Variants in IQANK1 observed in about 807,000 individuals in gnomAD.
The protein encoded by IQANK1 is IQ motif and ankyrin repeat domain-containing protein 1.
A neutral mutation model predicts 22.6 loss-of-function variants in IQANK1; 30 were observed. That is an observed-to-expected ratio of 1.33 (90% CI 0.99 to 1.80). The LOEUF (loss-of-function observed/expected upper bound fraction) is 1.80. Among genes scored for constraint, IQANK1 ranks in the 40% most tolerant of loss-of-function variants. IQANK1 has a pLI of 0.00. For synonymous variants in IQANK1, 122 were observed against 99.6 expected (o/e 1.23, Z -1.34); for missense variants, 275 against 235.2 (o/e 1.17, Z -1.11).
intron 7 of IQANK1, among the ~76,000 whole-genome samples, chr8:143,776,743 G>A (rs371131190): frequency 4.6e-5 from 7 of 152,120 alleles, no homozygotes; most frequent in Non-Finnish European, 7.4e-5. Flanking sequence ...TGGATCCCTC[G>A]TGGTAGTTAG....
chr8:143,766,175 T>C (rs1448491125), intron 3 of IQANK1, among the ~76,000 whole-genome samples: 2 of 152,206 alleles, frequency 1.3e-5, no homozygotes, highest in African/African-American at 4.8e-5. Context: ...TTTCCATATA[T>C]TTATTGGCCA....
Position 143,771,754 on chromosome 8 carries a change from G to T in IQANK1, c.307-47G>T. 1 of 397,578 alleles carries T rather than the reference G, an allele frequency of 2.5e-6. No homozygotes were observed. Among genetic ancestry groups the T allele is most frequent in the Admixed American group, 4.4e-5 (1 of 22,666 alleles). 24.6% of individuals were successfully genotyped at this position (397,578 alleles called of 1,614,324 possible). A position where few individuals can be genotyped will look rare whatever the true frequency, so the allele number is the denominator to read the frequency against. Reference sequence around the variant, plus strand: ...GGCGTGGACCGTGGCCTCGGGGCTCGGGGCGGTGGCGCGGAGTGGGCGGTG... The same window carrying T: ...GGCGTGGACCGTGGCCTCGGGGCTCTGGGCGGTGGCGCGGAGTGGGCGGTG... On this transcript the variant is annotated intron_variant, in intron 4 of 13. Coordinates refer to ENST00000527139, the MANE Select transcript of IQANK1 (RefSeq NM_001381874.1). This position sits in a 1 kb window ranked among gnomAD's most constrained non-coding sequence, Gnocchi z 6.0.
chr8:143,741,983 A>G, intron 3 of IQANK1: 2 of 244,250 alleles, frequency 8.2e-6, no homozygotes, highest in South Asian at 5.6e-5. Flanking sequence ...TCCTGCCCCC[A>G]TGCCACTCTG....
At chr8:143,783,253 T>C (rs1554631089) in intron 7 of IQANK1, among the ~76,000 whole-genome samples, 1 of 152,198 alleles carries the variant, frequency 6.6e-6, no homozygotes, top group African/African-American at 2.4e-5. Context: ...CCAGACATTG[T>C]GATTGCCAGT....
intron 3 of IQANK1, among the ~76,000 whole-genome samples, chr8:143,747,823 C>A (rs1819059137): frequency 6.6e-6 from 1 of 151,922 alleles, no homozygotes; most frequent in Non-Finnish European, 1.5e-5. Flanking sequence ...TTGAAAATAT[C>A]CCATGTACAC....
chr8:143,765,539 G>A (rs1819468918), intron 3 of IQANK1, among the ~76,000 whole-genome samples: 1 of 152,132 alleles, frequency 6.6e-6, no homozygotes, highest in Admixed American at 6.5e-5. Context: ...TTCCTCTTCT[G>A]GGAAATGCCT....
chr8:143,741,988 A>C (rs1230578526), intron 3 of IQANK1: 1 of 244,978 alleles, frequency 4.1e-6, no homozygotes, highest in African/African-American at 2.2e-5. Flanking sequence ...CCCCCATGCC[A>C]CTCTGCCCCG....
At chr8:143,748,064 G>A (rs1178881044) in intron 3 of IQANK1, among the ~76,000 whole-genome samples, 1 of 150,814 alleles carries the variant, frequency 6.6e-6, no homozygotes, top group African/African-American at 2.4e-5. Flanking sequence ...GCACAATCTC[G>A]GCTCACTGCA....
rs1045384722 is a variant in IQANK1, at chr8:143,736,088, T to C, written c.85+150T>C. On this transcript the variant is annotated intron_variant, in intron 2 of 13. Transcript: ENST00000527139. ...ACCTCTGAGTTGGGATTAGGTGTGA[T>C]TGACTGAGGGTTCAGAGCCCATTCA... 1.5e-5 allele frequency: 9 copies of C among 613,132 alleles called. No homozygotes were observed. The South Asian group carries it at 1.5e-4, about 10-fold the overall frequency. The allele number at this position is 613,132 out of a possible 1,614,324, so 38.0% of individuals were successfully genotyped here.
rs1205184834 is a variant in IQANK1 at position 143,739,947 on chromosome 8, A to T, written c.174A>T (p.Thr58=). 1.4e-6 allele frequency: 1 copy of T among 695,368 alleles called. No homozygotes were observed. The highest frequency in any genetic ancestry group is 1.8e-5 in the African/African-American group (1 of 57,014). 43.1% of individuals were successfully genotyped at this position (695,368 alleles called of 1,614,324 possible). ...PASAESPQAP[T]GPAEDRAARA... ...CGGCTGAGAGCCCACAGGCCCCCAC[A>T]GGTGAGAGCCCGCACGTCCCGCGCC... Residue 58 remains threonine (T), a splice_region_variant and synonymous_variant, in exon 3 of 14, where the codon ACA becomes ACT. Coordinates refer to ENST00000527139, the MANE Select transcript of IQANK1 (RefSeq NM_001381874.1).
chr8:143,755,985 T>C (rs1249032141), intron 3 of IQANK1, among the ~76,000 whole-genome samples: 1 of 152,230 alleles, frequency 6.6e-6, no homozygotes, highest in Non-Finnish European at 1.5e-5. Context: ...TGAAGGTGGC[T>C]GGAAAGCATG....
chr8:143,782,691 G>A (rs980572627), intron 7 of IQANK1, among the ~76,000 whole-genome samples: 1 of 152,144 alleles, frequency 6.6e-6, no homozygotes, highest in African/African-American at 2.4e-5. Flanking sequence ...TGGACAGGCT[G>A]GTCTCAAACT....
Position 143,790,169 on chromosome 8 carries a change from C to T in IQANK1, c.1322C>T (p.Ala441Val), listed in dbSNP as rs375424398. Residue 441 changes from alanine (A) to valine (V), a missense_variant, in exon 13 of 14, where the codon GCG becomes GTG. By Grantham distance (64) the Ala-to-Val change is moderately conservative. Coordinates refer to ENST00000527139, the MANE Select transcript of IQANK1 (RefSeq NM_001381874.1). Reference sequence around the variant, plus strand: ...CTTGTTATTGACCCTTTGGGCCAGGCGGCCACCTTCCTGCGCTACCAGGAT... The same window carrying T: ...CTTGTTATTGACCCTTTGGGCCAGGTGGCCACCTTCCTGCGCTACCAGGAT... The part of the protein sequence containing the change: ...WPLVIDPLGQ[A>V]ATFLRYQDTN... The T allele has an allele frequency of 2.4e-5, 29 of 1,231,938 alleles. No homozygotes were observed. Among genetic ancestry groups the T allele is most frequent in the African/African-American group, 6.2e-5 (4 of 64,426 alleles). 76.3% of individuals were successfully genotyped at this position (1,231,938 alleles called of 1,614,324 possible).
intron 3 of IQANK1, among the ~76,000 whole-genome samples, chr8:143,751,535 C>G (rs1029362432): frequency 2.0e-5 from 3 of 149,686 alleles, no homozygotes; most frequent in Non-Finnish European, 4.4e-5. Flanking sequence ...TCACTTGAAC[C>G]TGGGAGGCAG....
chr8:143,786,911 G>A (rs782668979), intron 7 of IQANK1, among the ~76,000 whole-genome samples: 5 of 152,220 alleles, frequency 3.3e-5, no homozygotes, highest in Non-Finnish European at 7.3e-5. Flanking sequence ...GCCAGGGAAT[G>A]AGGCACAGAG....
intron 3 of IQANK1, among the ~76,000 whole-genome samples, chr8:143,754,964 G>A (rs558871542): frequency 6.6e-6 from 1 of 152,240 alleles, no homozygotes; most frequent in East Asian, 1.9e-4. Flanking sequence ...AGGAATGATG[G>A]ACATCACATC....
chr8:143,758,679 G>C lies in IQANK1; in HGVS notation c.176-12809G>C, dbSNP rs1461098313. The C allele has an allele frequency of 1.3e-5, 2 of 152,206 alleles. No individual in the cohort carries two copies. Among genetic ancestry groups the C allele is most frequent in the African/African-American group, 4.8e-5 (2 of 41,418 alleles). 9.4% of individuals were successfully genotyped at this position (152,206 alleles called of 1,614,324 possible). A position where few individuals can be genotyped will look rare whatever the true frequency, so the allele number is the denominator to read the frequency against. ...AGTGAAGGGGCCTGGATCAAAACTG[G>C]CAGTGACACCTGGCCCCTGACAAGC... On this transcript the variant is annotated intron_variant, in intron 3 of 13. Transcript: ENST00000527139. This position sits in a 1 kb window ranked among gnomAD's most constrained non-coding sequence, Gnocchi z 4.2.
intron 7 of IQANK1, among the ~76,000 whole-genome samples, chr8:143,787,857 G>A (rs1554631568): frequency 6.6e-6 from 1 of 151,916 alleles, no homozygotes; most frequent in Non-Finnish European, 1.5e-5. Flanking sequence ...CCTTCTGCTT[G>A]CTCCATGGCC....
At chr8:143,785,780 G>A (rs184673287) in intron 7 of IQANK1, among the ~76,000 whole-genome samples, 14 of 149,190 alleles carry the variant, frequency 9.4e-5, no homozygotes, top group African/African-American at 3.4e-4. Context: ...AGGCTGGAAT[G>A]CAGTGGCACG....
Sources: allele counts gnomAD v4.1 joint callset (sites outside exome capture counted in the v4.1 genomes callset), GRCh38; gene constraint gnomAD v4.1.1; non-coding constraint Gnocchi (gnomAD v3.1); transcripts MANE v1.5; gene names NCBI Gene and HGNC (gene_info 2026-07-23, HGNC 2026-07-21).